The following BIN2 variants were observed in gnomAD, a reference collection of about 807,000 sequenced individuals.
The protein encoded by BIN2 is bridging integrator 2.
A neutral mutation model predicts 67.9 loss-of-function variants in BIN2; 43 were observed. The ratio of observed to expected loss-of-function variants is 0.63; its 90% CI spans 0.50 to 0.82. BIN2 has a LOEUF of 0.82. BIN2 is among the 40% of genes least tolerant of loss of function. BIN2 has a pLI of 0.00. For synonymous variants in BIN2, 244 were observed against 246.8 expected, an observed-to-expected ratio of 0.99 and a Z score of 0.11; for missense variants, 581 against 671.6, an observed-to-expected ratio of 0.87 and a Z score of 1.49.
chr12:51,306,335 C>T (rs563385249), intron 2 of BIN2, among the ~76,000 whole-genome samples: 21 of 152,146 alleles, frequency 1.4e-4, no homozygotes, highest in Non-Finnish European at 2.6e-4. Context: ...TATAAACAAT[C>T]AAGGAAGTAG....
In BIN2 at chr12:51,292,088, A is replaced by C; in HGVS notation, c.1018T>G (p.Cys340Gly). The C allele has an allele frequency of 6.2e-7, 1 of 1,614,142 alleles. No homozygotes were observed. The change falls in exon 10 of 13, where the codon TGC (cysteine) becomes GGC (glycine). Residue 340 changes from cysteine (C) to glycine (G), a missense_variant. Transcript: ENST00000615107. ...GGCTGGGCCTGGGCGGGGCCATTGC[A>C]GGCTGGTAGAGGCTCATCTTCCTCA... Reference protein sequence around the residue: ...SSEEDEPLPACNGPAQAQPSP... With the variant: ...SSEEDEPLPAGNGPAQAQPSP...
chr12:51,305,779 A>AGTTAT (rs1415695020), intron 2 of BIN2, among the ~76,000 whole-genome samples: 1 of 146,498 alleles, frequency 6.8e-6, no homozygotes, highest in Non-Finnish European at 1.5e-5. Flanking sequence ...AAACTGGACT[A>AGTTAT]GTTATTTCAT....
chr12:51,297,078 A>G lies in BIN2; in HGVS notation c.678+11T>C. ...ACACCTAGGAGCCTCAATTGGCCAG[A>G]CACCTCTCACCTTGCTCATTTCCCT... On this transcript the variant is annotated intron_variant, in intron 8 of 12. Transcript: ENST00000615107. 2 of 1,610,994 alleles carry G rather than the reference A, an allele frequency of 1.2e-6. No homozygotes were observed. The highest frequency in any genetic ancestry group is 1.7e-6 in the Non-Finnish European group (2 of 1,177,436).
Position 51,305,968 on chromosome 12 carries a change from C to G in BIN2, c.163-2827G>C, listed in dbSNP as rs1041465615. 2.0e-5 allele frequency among the ~76,000 whole-genome samples: 3 copies of G among 151,608 alleles called. No individual in the cohort carries two copies. In the East Asian group the frequency reaches 5.9e-4, roughly 30 times the overall value. Reference sequence around the variant, plus strand: ...TCTCCTGCCTCAGCCTCCTGCATAGCTAGGACTACAGGTGTGTGCCACCAC... The same window carrying G: ...TCTCCTGCCTCAGCCTCCTGCATAGGTAGGACTACAGGTGTGTGCCACCAC... On this transcript the variant is annotated intron_variant, in intron 2 of 12. Transcript: ENST00000615107.
rs565083548 is a variant in BIN2, at chr12:51,297,733, T to C, written c.603-569A>G. ...AAAGTTTAACAGTTTCATGGAGTTA[T>C]CTGATTTGGGCTCTTGAAGGGCTGA... is the stretch of plus-strand genomic sequence containing the variant. On this transcript the variant is annotated intron_variant, in intron 7 of 12. Transcript: ENST00000615107. Among the ~76,000 whole-genome samples the C allele has an allele frequency of 3.9e-5, 6 of 152,238 alleles. No individual in the cohort carries two copies. The East Asian group carries it at 7.7e-4, about 20-fold the overall frequency.
At chr12:51,289,857 C>T (rs1200801628) in intron 10 of BIN2, among the ~76,000 whole-genome samples, 1 of 151,788 alleles carries the variant, frequency 6.6e-6, no homozygotes, top group Non-Finnish European at 1.5e-5. Flanking sequence ...TTTCAAAAGG[C>T]TGTCCTTTTT....
At chr12:51,282,170 A>C (rs1382587504) in intron 12 of BIN2, among the ~76,000 whole-genome samples, 1 of 152,132 alleles carries the variant, frequency 6.6e-6, no homozygotes, top group Non-Finnish European at 1.5e-5. Context: ...ATACTTGCCT[A>C]ATTCATGGCT....
intron 2 of BIN2, among the ~76,000 whole-genome samples, chr12:51,308,529 C>T (rs907774153): frequency 1.3e-5 from 2 of 152,092 alleles, no homozygotes; most frequent in Non-Finnish European, 2.9e-5. Flanking sequence ...CCTGGGGTTC[C>T]CTACTTTCTG....
chr12:51,302,694 T>C lies in BIN2; in HGVS notation c.304A>G (p.Ile102Val), dbSNP rs199694240. The change falls in exon 4 of 13, where the codon ATC becomes GTC. Residue 102 changes from isoleucine to valine, a missense_variant. Coordinates refer to ENST00000615107, the MANE Select transcript of BIN2 (RefSeq NM_016293.4). ...ACTCAAGCCACTCTTACCCATACGA[T>C]GGCCTTCAGCTCCTCATGACCGTCC... ...EWDGHEELKA[I>V]VWNNDLLWED... The C allele has an allele frequency of 4.3e-6, 7 of 1,613,654 alleles. No homozygotes were observed. In the African/African-American group the frequency reaches 5.3e-5, roughly 12 times the overall value.
Position 51,281,416 on chromosome 12 carries a change from C to G in BIN2, c.*83G>C, listed in dbSNP as rs540928172. 101 of 1,443,072 alleles carry G rather than the reference C, an allele frequency of 7.0e-5. No homozygotes were observed. The highest frequency in any genetic ancestry group is 2.0e-6 in the Non-Finnish European group (2 of 1,024,726). The allele number at this position is 1,443,072 out of a possible 1,614,324, so 89.4% of individuals were successfully genotyped here. ...GAGAACCCAGGGATGGATGCTGGCT[C>G]TTATATCCCTCTGACCTATACCCTC... On this transcript the variant is annotated 3_prime_UTR_variant, in exon 13 of 13. Coordinates refer to ENST00000615107, the MANE Select transcript of BIN2 (RefSeq NM_016293.4).
intron 1 of BIN2, among the ~76,000 whole-genome samples, chr12:51,317,804 C>T (rs1289248848): frequency 1.3e-5 from 2 of 151,720 alleles, no homozygotes; most frequent in South Asian, 2.1e-4. Context: ...TTGGCTAACA[C>T]GATGAAACCC....
In BIN2 at chr12:51,295,604, ATATATATATATATATATATATATATATT is replaced by A. The variant is rs1945541963; in HGVS notation, c.761+164_761+191del. 1.1e-4 allele frequency among the ~76,000 whole-genome samples: 4 copies of A among 37,926 alleles called. 1 individual carries two copies. The highest frequency in any genetic ancestry group is 9.6e-4 in the Admixed American group (3 of 3,122). The allele number at this position is 37,926 out of a possible 152,430, so 24.9% of individuals were successfully genotyped here. Reference sequence around the variant, plus strand: ...TATATATATATATATATATATATATATATATATATATATATATATATATATATTTAGTAAAAAGCAAAATAATTTATAT... The same window carrying A: ...TATATATATATATATATATATATATATAGTAAAAAGCAAAATAATTTATAT... On this transcript the variant is annotated intron_variant, in intron 9 of 12. Coordinates refer to ENST00000615107, the MANE Select transcript of BIN2 (RefSeq NM_016293.4).
At chr12:51,322,286 T>C (rs1000200793) in intron 1 of BIN2, among the ~76,000 whole-genome samples, 1 of 152,250 alleles carries the variant, frequency 6.6e-6, no homozygotes, top group Non-Finnish European at 1.5e-5. Flanking sequence ...TTGGAGTCTA[T>C]GCTTACAAAG....
At chr12:51,294,652 G>A in intron 9 of BIN2, among the ~76,000 whole-genome samples, 1 of 151,116 alleles carries the variant, frequency 6.6e-6, no homozygotes, top group Non-Finnish European at 1.5e-5. Flanking sequence ...AATACAGTGT[G>A]TGCATGTTAC....
intron 4 of BIN2, chr12:51,302,359 T>C (rs945884607): frequency 2.2e-5 from 12 of 534,702 alleles, no homozygotes; most frequent in Non-Finnish European, 4.0e-5. Flanking sequence ...AGCCTTGGAC[T>C]CCAGAGCTTA....
At chr12:51,318,021 T>TA (rs1440543864) in intron 1 of BIN2, among the ~76,000 whole-genome samples, 1 of 151,532 alleles carries the variant, frequency 6.6e-6, no homozygotes, top group Admixed American at 6.6e-5. Context: ...AAAAAAGAAA[T>TA]AGAGTATAAA....
At chr12:51,302,498 T>G (rs1945752518) in intron 4 of BIN2, 188 bp downstream of exon 4, 1 of 592,234 alleles carries the variant, frequency 1.7e-6, no homozygotes, top group Non-Finnish European at 3.0e-6. Context: ...ATCCACAGAT[T>G]AGGGAAAACT....
chr12:51,299,992 C>A (rs1945680217), intron 5 of BIN2, among the ~76,000 whole-genome samples: 1 of 152,046 alleles, frequency 6.6e-6, no homozygotes, highest in Admixed American at 6.6e-5. Flanking sequence ...GCATGTGCAC[C>A]AAGCCCGGCT....
intron 10 of BIN2, 63 bp downstream of exon 10, chr12:51,291,528 G>A: frequency 6.8e-7 from 1 of 1,479,476 alleles, no homozygotes; most frequent in Non-Finnish European, 9.0e-7. Context: ...GGACGCCTGA[G>A]TGAGACCCTA....
Sources: allele counts gnomAD v4.1 joint callset (sites outside exome capture counted in the v4.1 genomes callset), GRCh38; gene constraint gnomAD v4.1.1; transcripts MANE v1.5; gene names NCBI Gene and HGNC (gene_info 2026-07-23, HGNC 2026-07-21).